Variants in COL6A5 observed in about 807,000 individuals in gnomAD.
The protein encoded by COL6A5 is collagen type VI alpha 5 chain.
Under a neutral mutation model 65.6 loss-of-function variants are expected in COL6A5, and 48 were observed. The ratio of observed to expected loss-of-function variants is 0.73; its 90% CI spans 0.58 to 0.93. The LOEUF is 0.93. Ranked by LOEUF, COL6A5 falls within the 40% of genes least tolerant of loss-of-function variation. COL6A5 has a pLI of 0.00. For synonymous variants in COL6A5, 291 were observed against 322.8 expected, an observed-to-expected ratio of 0.90 and a Z score of 1.05; for missense variants, 914 against 928.3, an observed-to-expected ratio of 0.98 and a Z score of 0.20.
At chr3:130,359,324 GT>G (rs1208390653) in intron 1 of COL6A5, among the ~76,000 whole-genome samples, 2 of 152,026 alleles carry the variant, frequency 1.3e-5, no homozygotes, top group African/African-American at 4.8e-5. Flanking sequence ...ACCTAATAAA[GT>G]TTTGTTGGAG....
At chr3:130,443,743 T>A in intron 4 of COL6A5, among the ~76,000 whole-genome samples, 177 bp downstream of exon 36, 1 of 152,222 alleles carries the variant, frequency 6.6e-6, no homozygotes, top group South Asian at 2.1e-4. Context: ...AATTTGTTTT[T>A]ATAACATCAT....
intron 7 of COL6A5, among the ~76,000 whole-genome samples, chr3:130,481,935 C>T (rs1282059411): frequency 6.6e-6 from 1 of 152,020 alleles, no homozygotes; most frequent in Non-Finnish European, 1.5e-5. Flanking sequence ...CTCATAGATT[C>T]TAGGTATTAG....
Position 130,410,329 on chromosome 3 carries a change from A to AT in COL6A5, c.4609-141dup. 4.4e-6 allele frequency: 3 copies of AT among 679,664 alleles called. No homozygotes were observed. The South Asian group carries it at 5.9e-5, about 13-fold the overall frequency. 42.1% of individuals were successfully genotyped at this position (679,664 alleles called of 1,614,324 possible). ...TACTTTTTTCTTCTTGAAAGGGCAT[A>AT]TAACTGTTAATATGCAGAATGATCA... On this transcript the variant is annotated intron_variant and NMD_transcript_variant, in intron 19 of 41. Coordinates refer to the COL6A5 transcript ENST00000312481.
chr3:130,371,307 T>C (rs1436520635), intron 1 of COL6A5, among the ~76,000 whole-genome samples: 1 of 152,044 alleles, frequency 6.6e-6, no homozygotes, highest in Non-Finnish European at 1.5e-5. Flanking sequence ...TTTTTTTTTT[T>C]CAGAAATTGA....
chr3:130,411,497 C>T (rs1250336679), intron 20 of COL6A5, among the ~76,000 whole-genome samples: 2 of 152,110 alleles, frequency 1.3e-5, no homozygotes, highest in Non-Finnish European at 2.9e-5. Flanking sequence ...TATCTTGAAC[C>T]ACAATTCTTA....
exon 10 of COL6A5, chr3:130,398,052 G>A: frequency 1.3e-6 from 2 of 1,550,620 alleles, no homozygotes; most frequent in East Asian, 4.9e-5. Flanking sequence ...TTTTCAGACG[G>A]TCTCCAGAGT....
chr3:130,402,588 G>A (rs538443428), intron 12 of COL6A5, among the ~76,000 whole-genome samples: 99 of 152,168 alleles, frequency 6.5e-4, no homozygotes, highest in Non-Finnish European at 1.2e-3. Flanking sequence ...AATACTTAAC[G>A]GTGAAGTATT....
At chr3:130,403,758 AAAAG>A in intron 13 of COL6A5, 96 bp downstream of exon 13, 1 of 959,348 alleles carries the variant, frequency 1.0e-6, no homozygotes, top group East Asian at 2.9e-5. Context: ...TTTTCATAAA[AAAAG>A]CTTATTTTCA....
At chr3:130,430,790 GA>G (rs1311618170), upstream of COL6A5, among the ~76,000 whole-genome samples, 2 of 152,118 alleles carry the variant, frequency 1.3e-5, no homozygotes, top group African/African-American at 4.8e-5. Context: ...TTTATCCTCT[GA>G]ATCCTCATTA....
At chr3:130,410,295 A>T (rs1171462988) in intron 19 of COL6A5, among the ~76,000 whole-genome samples, 176 bp from the exon 20 acceptor site, 1 of 151,106 alleles carries the variant, frequency 6.6e-6, no homozygotes, top group African/African-American at 2.4e-5. Flanking sequence ...GTAGCAGTGA[A>T]TGTTGCTATA....
At chr3:130,397,657 C>G (rs1289754797) in exon 9 of COL6A5, 1 of 1,550,630 alleles carries the variant, frequency 6.4e-7, no homozygotes, top group Admixed American at 2.0e-5. Context: ...CCAGGGCCAC[C>G]CCCAGCTGGA....
chr3:130,345,782 C>A (rs1268386317), exon 1 of COL6A5: 1 of 398,524 alleles, frequency 2.5e-6, no homozygotes, highest in Non-Finnish European at 4.4e-6. Flanking sequence ...GCGTTCGCTG[C>A]GGGAATCCAC....
At chr3:130,477,010 A>G in intron 7 of COL6A5, 3 of 1,100,458 alleles carry the variant, frequency 2.7e-6, no homozygotes, top group Non-Finnish European at 4.0e-6. Context: ...ACTGAGAATC[A>G]CTGAGTTGTA....
intron 3 of COL6A5, among the ~76,000 whole-genome samples, chr3:130,443,052 G>A (rs985070645): frequency 1.3e-5 from 2 of 152,172 alleles, no homozygotes; most frequent in African/African-American, 4.8e-5. Context: ...ATCAGTATTA[G>A]TGGGTGCAGA....
At chr3:130,484,505 C>A (rs1052591728) in exon 8 of COL6A5, 2 of 401,184 alleles carry the variant, frequency 5.0e-6, no homozygotes, top group Non-Finnish European at 8.8e-6. Context: ...CCCATGTCAT[C>A]GGTTCTGGGG....
chr3:130,471,670 C>G lies in COL6A5; in HGVS notation c.2328+703C>G. The G allele has an allele frequency of 6.5e-7, 1 of 1,533,298 alleles. No individual in the cohort carries two copies. The highest frequency in any genetic ancestry group is 8.7e-7 in the Non-Finnish European group (1 of 1,145,378). The allele number at this position is 1,533,298 out of a possible 1,614,324, so 95.0% of individuals were successfully genotyped here. On this transcript the variant is annotated intron_variant, in intron 7 of 7. Transcript: ENST00000512836. ...CTAACTAATTTTTTATCTCTCTTCT[C>G]TATTACCTCAGACTTCTTCCTGGGA...
chr3:130,364,512 A>T (rs773629970), intron 1 of COL6A5, among the ~76,000 whole-genome samples: 3 of 152,236 alleles, frequency 2.0e-5, no homozygotes, highest in Non-Finnish European at 4.4e-5. Flanking sequence ...CTATTAAAAA[A>T]TGGTGATGGT....
At chr3:130,376,519 C>T (rs1329312201) in exon 3 of COL6A5, 1 of 1,604,996 alleles carries the variant, frequency 6.2e-7, no homozygotes, top group Admixed American at 1.7e-5. Context: ...CTTCAGGAGG[C>T]TCATAGGACC....
chr3:130,439,222 T>C (rs1709108356), intron 1 of COL6A5, among the ~76,000 whole-genome samples: 6 of 151,302 alleles, frequency 4.0e-5, no homozygotes, highest in Admixed American at 3.9e-4. Flanking sequence ...TTTTAATACT[T>C]GCCCCAGTGA....
Sources: allele counts gnomAD v4.1 joint callset (sites outside exome capture counted in the v4.1 genomes callset), GRCh38; gene constraint gnomAD v4.1.1; transcripts MANE v1.5; gene names NCBI Gene and HGNC (gene_info 2026-07-23, HGNC 2026-07-21).